The following TBC1D19 variants were observed in gnomAD, a reference collection of about 807,000 sequenced individuals.
TBC1D19 encodes TBC1 domain family, member 19.
Under a neutral mutation model 89.0 loss-of-function variants are expected in TBC1D19, and 60 were observed. That is an observed-to-expected ratio of 0.67 (90% CI 0.55 to 0.84). The LOEUF is 0.84. Ranked by LOEUF, TBC1D19 falls within the 40% of genes least tolerant of loss-of-function variation. The pLI, the probability that TBC1D19 is intolerant of heterozygous loss-of-function variation, is 0.00. For missense variants in TBC1D19, 500 were observed against 610.8 expected, an observed-to-expected ratio of 0.82 and a Z score of 1.91; for synonymous variants, 189 against 199.7, an observed-to-expected ratio of 0.95 and a Z score of 0.45.
chr4:26,803,870 G>T, the TBC1D19 span, among the ~76,000 whole-genome samples: 3 of 138,880 alleles, frequency 2.2e-5, no homozygotes, highest in Non-Finnish European at 4.6e-5. Context: ...TTCTGAACAA[G>T]AATCTTTACT....
chr4:26,836,637 T>C, the TBC1D19 span, among the ~76,000 whole-genome samples: 16 of 152,124 alleles, frequency 1.1e-4, no homozygotes, highest in East Asian at 3.1e-3. Flanking sequence ...GAGAGAAGAG[T>C]CCTGCTCTAG....
intron 7 of TBC1D19, among the ~76,000 whole-genome samples, chr4:26,641,764 G>C (rs573466563): frequency 1.3e-5 from 2 of 152,138 alleles, no homozygotes; most frequent in Non-Finnish European, 2.9e-5. Flanking sequence ...ACCATGGCAC[G>C]AGAACTATGT....
Position 26,695,964 on chromosome 4 carries a change from A to AGG in TBC1D19, c.954+7557_954+7558insGG, listed in dbSNP as rs1471071794. Among the ~76,000 whole-genome samples, 492 of 152,348 alleles carry AGG rather than the reference A, an allele frequency of 3.2e-3. 1 individual carries two copies. Among genetic ancestry groups the AGG allele is most frequent in the African/African-American group, 0.011 (457 of 41,578 alleles). On this transcript the variant is annotated intron_variant, in intron 13 of 20. Transcript: ENST00000264866. ...AACTGCATCAACTAGCGAACAAAATAACCAGCTAACGTCATAATGACAGGA... is the reference window on the plus strand; with the variant it reads ...AACTGCATCAACTAGCGAACAAAATAGGACCAGCTAACGTCATAATGACAGGA...
At chr4:26,803,348 G>A in the TBC1D19 span, among the ~76,000 whole-genome samples, 3 of 152,152 alleles carry the variant, frequency 2.0e-5, no homozygotes. Context: ...CTGAGCCAGG[G>A]CCCCACAACA....
chr4:26,835,185 G>T, the TBC1D19 span, among the ~76,000 whole-genome samples: 1 of 152,236 alleles, frequency 6.6e-6, no homozygotes, highest in African/African-American at 2.4e-5. Flanking sequence ...AGGGAGGCAG[G>T]AGTGTCAGAA....
chr4:26,704,559 A>G (rs868153648), intron 13 of TBC1D19, among the ~76,000 whole-genome samples: 3 of 152,274 alleles, frequency 2.0e-5, no homozygotes, highest in Middle Eastern at 3.4e-3. Context: ...TTGTTCATGT[A>G]TCTAGTTAGA....
intron 1 of TBC1D19, among the ~76,000 whole-genome samples, chr4:26,591,716 G>A (rs10939124): frequency 0.46 from 69,314 of 152,016 alleles, 17,558 homozygotes; most frequent in Admixed American, 0.6. Flanking sequence ...ACACATCTAC[G>A]CAAATAAACT....
chr4:26,715,850 G>A (rs2109257680), intron 13 of TBC1D19, among the ~76,000 whole-genome samples: 2 of 152,130 alleles, frequency 1.3e-5, no homozygotes, highest in Middle Eastern at 6.8e-3. Context: ...ATCTCTGGGT[G>A]GTGTGTCATA....
At chr4:26,716,677 T>C (rs1484026079) in intron 13 of TBC1D19, among the ~76,000 whole-genome samples, 1 of 152,118 alleles carries the variant, frequency 6.6e-6, no homozygotes, top group Non-Finnish European at 1.5e-5. Flanking sequence ...ATAATCCTGT[T>C]TGGTTTGAAA....
the TBC1D19 span, among the ~76,000 whole-genome samples, chr4:26,777,332 A>C: frequency 6.6e-6 from 1 of 151,984 alleles, no homozygotes; most frequent in African/African-American, 2.4e-5. Flanking sequence ...ATGGGGTTTC[A>C]TCATATTGGT....
the TBC1D19 span, among the ~76,000 whole-genome samples, chr4:26,772,910 G>A: frequency 5.3e-5 from 8 of 152,118 alleles, no homozygotes; most frequent in Non-Finnish European, 8.8e-5. Context: ...ATTGTAAATA[G>A]TGCTGCAATG....
intron 12 of TBC1D19, among the ~76,000 whole-genome samples, chr4:26,686,200 G>A (rs907381321): frequency 1.3e-5 from 2 of 152,030 alleles, no homozygotes; most frequent in African/African-American, 2.4e-5. Context: ...AAAACAAGGT[G>A]GAATTCTTTT....
At chr4:26,591,029 T>C (rs1045134123) in intron 1 of TBC1D19, among the ~76,000 whole-genome samples, 2 of 149,588 alleles carry the variant, frequency 1.3e-5, no homozygotes, top group Non-Finnish European at 3.0e-5. Flanking sequence ...AGTTTCAGTA[T>C]TCTAAAAATC....
At chr4:26,607,936 T>C (rs539742947) in intron 1 of TBC1D19, among the ~76,000 whole-genome samples, 3 of 152,204 alleles carry the variant, frequency 2.0e-5, no homozygotes, top group Non-Finnish European at 4.4e-5. Flanking sequence ...GTGGGTATGC[T>C]GTGTTTGGGG....
intron 7 of TBC1D19, among the ~76,000 whole-genome samples, chr4:26,645,122 A>G (rs544601423): frequency 6.6e-6 from 1 of 152,314 alleles, no homozygotes; most frequent in African/African-American, 2.4e-5. Context: ...TCAAGCTACC[A>G]CTGACTTTCT....
In TBC1D19 at chr4:26,742,504, C is replaced by A; in HGVS notation, c.1228-4C>A. ...TTTCTCTTATGATTCATTATTGTAT[C>A]CAGGGTATTGTGTCACTCTGTCTGC... On this transcript the variant is annotated splice_region_variant and splice_polypyrimidine_tract_variant and intron_variant, in intron 17 of 20. Coordinates refer to ENST00000264866, the MANE Select transcript of TBC1D19 (RefSeq NM_018317.4). The A allele has an allele frequency of 6.3e-7, 1 of 1,596,550 alleles. No homozygotes were observed. The highest frequency in any genetic ancestry group is 8.5e-7 in the Non-Finnish European group (1 of 1,170,218).
intron 15 of TBC1D19, among the ~76,000 whole-genome samples, chr4:26,723,019 A>G (rs1219063547): frequency 6.6e-6 from 1 of 152,166 alleles, no homozygotes; most frequent in African/African-American, 2.4e-5. Context: ...AAAGGAAAGT[A>G]GTTAATGTAA....
At chr4:26,692,989 G>A (rs1307389059) in intron 13 of TBC1D19, among the ~76,000 whole-genome samples, 1 of 152,178 alleles carries the variant, frequency 6.6e-6, no homozygotes, top group Non-Finnish European at 1.5e-5. Flanking sequence ...AGCCGGGCTT[G>A]GTGGTGCATG....
At position 26,739,959 on chromosome 4, in the gene TBC1D19, T is replaced by C; in HGVS notation, c.1213T>C (p.Ser405Pro). The C allele has an allele frequency of 6.3e-7, 1 of 1,583,618 alleles. No individual in the cohort carries two copies. Among genetic ancestry groups the C allele is most frequent in the Non-Finnish European group, 8.6e-7 (1 of 1,164,250 alleles). ...VRFFFRLHSI[S>P]SHPSGIVSLC... is the part of the protein sequence containing the mutation. The stretch of plus-strand genomic sequence containing the variant: ...TTTTTTCTTCAGACTCCATTCCATC[T>C]CTTCTCATCCTTCTGTAAGTTCATA... Residue 405 changes from serine to proline, a missense_variant, in exon 17 of 21, where the codon TCT (serine) becomes CCT (proline). By Grantham distance (74) the Ser-to-Pro change is moderately conservative. Transcript: ENST00000264866.
Sources: allele counts gnomAD v4.1 joint callset (sites outside exome capture counted in the v4.1 genomes callset), GRCh38; gene constraint gnomAD v4.1.1; transcripts MANE v1.5; gene names NCBI Gene and HGNC (gene_info 2026-07-23, HGNC 2026-07-21).